Variants in FARS2 observed in about 807,000 individuals in gnomAD.
The protein encoded by FARS2 is phenylalanyl-tRNA synthetase 2, mitochondrial.
A neutral mutation model predicts 46.4 loss-of-function variants in FARS2; 40 were observed. The observed-to-expected ratio is 0.86, with a 90% CI of 0.67 to 1.12. The LOEUF is 1.12. FARS2 is among the 50% of genes most tolerant of loss of function. The pLI is 0.00. For missense variants in FARS2, 513 were observed against 567.9 expected (o/e 0.90, Z 0.98); for synonymous variants, 234 against 214.9 (o/e 1.09, Z -0.78).
At chr6:5,387,410 A>C (rs1293782131) in intron 2 of FARS2, among the ~76,000 whole-genome samples, 1 of 152,236 alleles carries the variant, frequency 6.6e-6, no homozygotes, top group African/African-American at 2.4e-5. Context: ...ATGGGAATAC[A>C]GGGCTTAGAC....
intron 6 of FARS2, among the ~76,000 whole-genome samples, chr6:5,684,727 G>A (rs997170550): frequency 6.5e-4 from 99 of 152,198 alleles, no homozygotes; most frequent in African/African-American, 2.3e-3. Context: ...ATTGAGTGGA[G>A]AGGTGGAATG....
intron 6 of FARS2, among the ~76,000 whole-genome samples, chr6:5,708,887 A>C (rs1330163660): frequency 6.6e-6 from 1 of 152,108 alleles, no homozygotes; most frequent in African/African-American, 2.4e-5. Flanking sequence ...TGGTCTTGAA[A>C]TCCTAGCCTC....
At chr6:5,719,806 G>A (rs1759770430) in intron 6 of FARS2, among the ~76,000 whole-genome samples, 1 of 152,226 alleles carries the variant, frequency 6.6e-6, no homozygotes, top group South Asian at 2.1e-4. Flanking sequence ...AAAGCTTGTA[G>A]TTGATTTTAT....
chr6:5,394,170 A>T (rs1441558567), intron 2 of FARS2, among the ~76,000 whole-genome samples: 1 of 152,246 alleles, frequency 6.6e-6, no homozygotes, highest in Non-Finnish European at 1.5e-5. Context: ...ATGTACATAC[A>T]CGCACACAGT....
At chr6:5,278,499 C>T (rs1049750440) in intron 1 of FARS2, among the ~76,000 whole-genome samples, 4 of 151,898 alleles carry the variant, frequency 2.6e-5, no homozygotes, top group African/African-American at 9.7e-5. Context: ...CTAAAAATGA[C>T]GATGTTAATG....
At chr6:5,348,606 A>G (rs1228565090) in intron 1 of FARS2, among the ~76,000 whole-genome samples, 1 of 129,842 alleles carries the variant, frequency 7.7e-6, no homozygotes, top group Non-Finnish European at 1.7e-5. Flanking sequence ...TAGACATTAA[A>G]CAAATAAACA....
In FARS2 at chr6:5,669,290, T is replaced by C. The variant is rs545428466; in HGVS notation, c.1217+55970T>C. On this transcript the variant is annotated intron_variant, in intron 6 of 6. Transcript: ENST00000274680. Reference sequence around the variant, plus strand: ...TGTGCCCTCGGATTCCATCAACAGATCCTGAGAAACAGAGAAAGTTGCTCC... The same window carrying C: ...TGTGCCCTCGGATTCCATCAACAGACCCTGAGAAACAGAGAAAGTTGCTCC... Among the ~76,000 whole-genome samples, 9 of 152,216 alleles carry C rather than the reference T, an allele frequency of 5.9e-5. No individual in the cohort carries two copies. In the East Asian group the frequency reaches 1.7e-3, roughly 29 times the overall value.
At chr6:5,260,507 A>G (rs1171824734), upstream of FARS2, 6 of 1,169,512 alleles carry the variant, frequency 5.1e-6, no homozygotes, top group South Asian at 4.4e-5. Context: ...ACGCTTTTCG[A>G]TGGCGGAGCC....
rs574651516 is a variant in FARS2, at chr6:5,455,727, A to G, written c.904+24555A>G. 1.5e-3 allele frequency among the ~76,000 whole-genome samples: 104 copies of G among 70,908 alleles called. 1 individual carries two copies. The highest frequency in any genetic ancestry group is 8.8e-4 in the Non-Finnish European group (28 of 31,908). The allele number at this position is 70,908 out of a possible 152,430, so 46.5% of individuals were successfully genotyped here. A position where few individuals can be genotyped will look rare whatever the true frequency, so the allele number is the denominator to read the frequency against. On this transcript the variant is annotated intron_variant, in intron 4 of 6. Coordinates refer to ENST00000274680, the MANE Select transcript of FARS2 (RefSeq NM_006567.5). Reference sequence around the variant, plus strand: ...TGTAGGATAGTAGAAAGAGCTTTATACTCAGCATCGGAGGCCTGGACAATA... The same window carrying G: ...TGTAGGATAGTAGAAAGAGCTTTATGCTCAGCATCGGAGGCCTGGACAATA...
At chr6:5,723,819 T>G (rs530338271) in intron 6 of FARS2, among the ~76,000 whole-genome samples, 1 of 152,244 alleles carries the variant, frequency 6.6e-6, no homozygotes. Context: ...CTCCTTGCTT[T>G]CTTCCTGAAA....
intron 4 of FARS2, among the ~76,000 whole-genome samples, chr6:5,503,526 G>A (rs950357005): frequency 1.5e-4 from 22 of 151,152 alleles, no homozygotes; most frequent in Admixed American, 6.6e-4. Context: ...ATTGCATACC[G>A]CAAGTACATA....
chr6:5,691,990 G>A, intron 6 of FARS2, among the ~76,000 whole-genome samples: 1 of 152,226 alleles, frequency 6.6e-6, no homozygotes, highest in East Asian at 1.9e-4. Flanking sequence ...TCCGAGCCAG[G>A]CGCGGGATAT....
In FARS2 at chr6:5,491,818, GT is replaced by G. The variant is rs557260297; in HGVS notation, c.905-53361del. Among the ~76,000 whole-genome samples, 303 of 152,300 alleles carry G rather than the reference GT, an allele frequency of 2.0e-3. 2 individuals carry two copies. Among genetic ancestry groups the G allele is most frequent in the African/African-American group, 7.0e-3 (293 of 41,568 alleles). ...CTGCCACTCTTGTGACACCTCACAT[GT>G]AAGTATAAAGCACAATGAATTCCAT... is the stretch of plus-strand genomic sequence containing the variant. On this transcript the variant is annotated intron_variant, in intron 4 of 6. Coordinates refer to ENST00000274680, the MANE Select transcript of FARS2 (RefSeq NM_006567.5).
chr6:5,359,027 A>T (rs28715554), intron 1 of FARS2, among the ~76,000 whole-genome samples: 2 of 46,724 alleles, frequency 4.3e-5, no homozygotes, highest in African/African-American at 2.4e-4. Context: ...ATGAAAAGAT[A>T]CCCTTTTTTT....
intron 6 of FARS2, among the ~76,000 whole-genome samples, chr6:5,726,047 C>T (rs1420013755): frequency 3.3e-5 from 5 of 152,328 alleles, no homozygotes; most frequent in African/African-American, 9.6e-5. Context: ...GTGTCATTCA[C>T]AGTAGGGCAC....
chr6:5,691,870 C>T (rs755545995), intron 6 of FARS2, among the ~76,000 whole-genome samples: 21 of 152,188 alleles, frequency 1.4e-4, no homozygotes, highest in Non-Finnish European at 2.5e-4. Flanking sequence ...TGTTTACCTA[C>T]TCACACCTTG....
At chr6:5,251,175 C>T in the FARS2 span, among the ~76,000 whole-genome samples, 1 of 152,108 alleles carries the variant, frequency 6.6e-6, no homozygotes, top group South Asian at 2.1e-4. Flanking sequence ...GTAATATATA[C>T]ATACACACAC....
chr6:5,526,953 A>T (rs929351295), intron 4 of FARS2, among the ~76,000 whole-genome samples: 1 of 152,202 alleles, frequency 6.6e-6, no homozygotes, highest in Admixed American at 6.5e-5. Context: ...ACAGATAAGT[A>T]TATGTACCAT....
Position 5,549,130 on chromosome 6 carries a change from G to GGCTCCTTCTGT in FARS2, c.1065+3790_1065+3791insGCTCCTTCTGT, listed in dbSNP as rs1285451388. Among the ~76,000 whole-genome samples the GGCTCCTTCTGT allele has an allele frequency of 1.9e-3, 280 of 150,814 alleles. 4 individuals carry two copies. In the Middle Eastern group the frequency reaches 0.025, roughly 13 times the overall value. Reference sequence around the variant, plus strand: ...CTAAAGTTAAGGTGTCAGCAGGGCTGACTCCTTCTGTAGGCTCTTGGGGGA... The same window carrying GGCTCCTTCTGT: ...CTAAAGTTAAGGTGTCAGCAGGGCTGGCTCCTTCTGTACTCCTTCTGTAGGCTCTTGGGGGA... On this transcript the variant is annotated intron_variant, in intron 5 of 6. Coordinates refer to ENST00000274680, the MANE Select transcript of FARS2 (RefSeq NM_006567.5).
Sources: gnomAD v4.1 joint callset for allele counts (sites outside exome capture counted in the v4.1 genomes callset) on GRCh38, gnomAD v4.1.1 for gene constraint, MANE v1.5 for transcripts, NCBI Gene and HGNC (gene_info 2026-07-23, HGNC 2026-07-21) for gene names.